The following PDLIM5 variants were observed in gnomAD, a reference collection of about 807,000 sequenced individuals.
PDLIM5 encodes PDZ and LIM domain 5.
Under a neutral mutation model 64.2 loss-of-function variants are expected in PDLIM5, and 34 were observed. The observed-to-expected ratio is 0.53, with a 90% CI of 0.40 to 0.71. The LOEUF (loss-of-function observed/expected upper bound fraction) is 0.71. Among genes scored for constraint, PDLIM5 ranks in the 30% least tolerant of loss-of-function variants. The probability of loss-of-function intolerance (pLI) is 0.00; values close to 1 mark genes in which losing one functional copy is unlikely to be tolerated. For missense variants in PDLIM5, 683 were observed against 733.6 expected (o/e 0.93, Z 0.80); for synonymous variants, 253 against 269.1 (o/e 0.94, Z 0.59).
intron 2 of PDLIM5, chr4:94,456,467 A>G (rs1287450621): frequency 1.0e-5 from 7 of 700,440 alleles, no homozygotes; most frequent in Non-Finnish European, 1.3e-5. Context: ...CAAAGTGCTA[A>G]GATTACAGGC....
intron 7 of PDLIM5, among the ~76,000 whole-genome samples, chr4:94,589,744 T>C (rs1196553960): frequency 3.3e-5 from 5 of 151,756 alleles, no homozygotes; most frequent in Non-Finnish European, 5.9e-5. Context: ...TTCTTTTCTT[T>C]TCTTTTCTTT....
chr4:94,538,572 T>G (rs1731511440), intron 3 of PDLIM5, among the ~76,000 whole-genome samples: 1 of 152,200 alleles, frequency 6.6e-6, no homozygotes, highest in Non-Finnish European at 1.5e-5. Context: ...CCATCTATTT[T>G]GTGGACTAAT....
chr4:94,525,518 G>C lies in PDLIM5; in HGVS notation c.248+1643G>C, dbSNP rs372234151. Among the ~76,000 whole-genome samples the C allele has an allele frequency of 2.0e-5, 3 of 152,172 alleles. No homozygotes were observed. The East Asian group carries it at 5.8e-4, about 29-fold the overall frequency. Reference sequence around the variant, plus strand: ...ACCTTTTTCTTGGAGCCTCTCCTAGGAGTCGTGTTTTGTGAAAAACACTTA... The same window carrying C: ...ACCTTTTTCTTGGAGCCTCTCCTAGCAGTCGTGTTTTGTGAAAAACACTTA... On this transcript the variant is annotated intron_variant, in intron 3 of 12. Coordinates refer to ENST00000317968, the MANE Select transcript of PDLIM5 (RefSeq NM_006457.5).
chr4:94,602,199 G>C (rs901327560), intron 7 of PDLIM5, among the ~76,000 whole-genome samples: 8 of 152,230 alleles, frequency 5.3e-5, no homozygotes, highest in Admixed American at 2.0e-4. Context: ...GTGTGGGTAT[G>C]TAATAAGTCA....
chr4:94,494,276 T>C (rs568192848), intron 2 of PDLIM5, among the ~76,000 whole-genome samples: 3 of 151,974 alleles, frequency 2.0e-5, no homozygotes, highest in South Asian at 2.1e-4. Context: ...CCAAGACTTA[T>C]AGCTGCATTT....
At chr4:94,489,212 T>C (rs1006317643) in intron 2 of PDLIM5, 1 of 152,190 alleles carries the variant, frequency 6.6e-6, no homozygotes, top group Admixed American at 6.5e-5. Context: ...TTGAGACAAG[T>C]AGCTGTGTTA....
chr4:94,554,604 G>A (rs1429686303), intron 3 of PDLIM5, among the ~76,000 whole-genome samples: 1 of 152,162 alleles, frequency 6.6e-6, no homozygotes, highest in Non-Finnish European at 1.5e-5. Flanking sequence ...TAATAAAAGA[G>A]CTATTCAGTA....
chr4:94,455,739 T>C, intron 2 of PDLIM5: 4 of 1,484,870 alleles, frequency 2.7e-6, no homozygotes, highest in Non-Finnish European at 3.6e-6. Context: ...TTTAATAATC[T>C]CTTTCAGTTC....
Position 94,541,401 on chromosome 4 carries a change from C to T in PDLIM5, c.248+17526C>T, listed in dbSNP as rs538961016. On this transcript the variant is annotated intron_variant, in intron 3 of 12. Coordinates refer to ENST00000317968, the MANE Select transcript of PDLIM5 (RefSeq NM_006457.5). ...GTTTTAAACTGAGTATTGCACCCAA[C>T]GGATGAAAATTTTCTAAAAGTGCTT... is the stretch of plus-strand genomic sequence containing the variant. Among the ~76,000 whole-genome samples, 10 of 152,212 alleles carry T rather than the reference C, an allele frequency of 6.6e-5. No individual in the cohort carries two copies. In the South Asian group the frequency reaches 1.0e-3, roughly 16 times the overall value.
intron 2 of PDLIM5, among the ~76,000 whole-genome samples, chr4:94,476,822 T>C (rs2126100402): frequency 6.6e-6 from 1 of 152,304 alleles, no homozygotes; most frequent in East Asian, 1.9e-4. Flanking sequence ...CTGTGTAACC[T>C]AGAATAAGTT....
At chr4:94,579,329 C>T (rs1735547025) in intron 5 of PDLIM5, 1 of 358,176 alleles carries the variant, frequency 2.8e-6, no homozygotes, top group African/African-American at 2.1e-5. Context: ...TTTTCCCTTT[C>T]CATATATCCT....
intron 2 of PDLIM5, among the ~76,000 whole-genome samples, chr4:94,494,432 G>GTTTTTT (rs61675663): frequency 3.4e-4 from 24 of 70,764 alleles, no homozygotes; most frequent in East Asian, 4.9e-4. Context: ...TTTTTTTCTT[G>GTTTTTT]TTTTTTTTTT....
At chr4:94,641,320 T>C (rs1740985468) in intron 9 of PDLIM5, among the ~76,000 whole-genome samples, 1 of 152,252 alleles carries the variant, frequency 6.6e-6, no homozygotes, top group South Asian at 2.1e-4. Flanking sequence ...TCTCTTCTAT[T>C]ACATAATTAT....
intron 5 of PDLIM5, among the ~76,000 whole-genome samples, chr4:94,583,569 A>G (rs1162700471): frequency 6.6e-6 from 1 of 152,186 alleles, no homozygotes; most frequent in African/African-American, 2.4e-5. Flanking sequence ...GTGTTTATGA[A>G]GAAATGTATG....
intron 2 of PDLIM5, among the ~76,000 whole-genome samples, chr4:94,518,597 G>A (rs780640208): frequency 1.8e-4 from 27 of 152,108 alleles, no homozygotes; most frequent in Non-Finnish European, 2.8e-4. Context: ...TTAAAGGCAC[G>A]CAAGTATTAC....
chr4:94,605,980 G>C (rs1045884796), intron 7 of PDLIM5, among the ~76,000 whole-genome samples: 1 of 150,780 alleles, frequency 6.6e-6, no homozygotes, highest in Non-Finnish European at 1.5e-5. Flanking sequence ...TTATTTAAAG[G>C]TATTTTGGGA....
intron 3 of PDLIM5, among the ~76,000 whole-genome samples, chr4:94,531,175 ACTT>A (rs750808156): frequency 2.0e-5 from 3 of 151,476 alleles, no homozygotes; most frequent in South Asian, 2.1e-4. Context: ...AGCTTTTACT[ACTT>A]CTTCTTTGCT....
intron 7 of PDLIM5, among the ~76,000 whole-genome samples, chr4:94,601,702 A>G (rs559340136): frequency 6.6e-6 from 1 of 152,290 alleles, no homozygotes; most frequent in African/African-American, 2.4e-5. Flanking sequence ...CTTATTTTTA[A>G]ATTCTCAAGA....
rs999332587 is a variant in PDLIM5, at chr4:94,588,147, T to C, written c.920+1703T>C. On this transcript the variant is annotated intron_variant, in intron 7 of 12. Coordinates refer to ENST00000317968, the MANE Select transcript of PDLIM5 (RefSeq NM_006457.5). ...AACTTAGCTTTGTACTTGTTCTGTT[T>C]CCTTGAGGCTAGACACAGTGCCATC... 9.4e-6 allele frequency: 9 copies of C among 957,938 alleles called. No homozygotes were observed. In the East Asian group the frequency reaches 1.0e-3, roughly 110 times the overall value. 59.3% of individuals were successfully genotyped at this position (957,938 alleles called of 1,614,324 possible).
Sources: allele counts gnomAD v4.1 joint callset (sites outside exome capture counted in the v4.1 genomes callset), GRCh38; gene constraint gnomAD v4.1.1; transcripts MANE v1.5; gene names NCBI Gene and HGNC (gene_info 2026-07-23, HGNC 2026-07-21).